The following SRBD1 variants were observed in gnomAD, a reference collection of about 807,000 sequenced individuals.
SRBD1 encodes the protein S1 RNA-binding domain-containing protein 1.
Under a neutral mutation model 115.3 loss-of-function variants are expected in SRBD1, and 88 were observed. The observed-to-expected ratio is 0.76, with a 90% CI of 0.64 to 0.91. SRBD1 has a LOEUF of 0.91. Ranked by LOEUF, SRBD1 falls within the 40% of genes least tolerant of loss-of-function variation. The pLI is 0.00. For synonymous variants in SRBD1, 509 were observed against 407.7 expected, an observed-to-expected ratio of 1.25 and a Z score of -2.99; for missense variants, 1,385 against 1,177.4, an observed-to-expected ratio of 1.18 and a Z score of -2.58.
chr2:45,413,231 T>G lies in SRBD1; in HGVS notation c.2396A>C (p.Glu799Ala). 6.2e-7 allele frequency: 1 copy of G among 1,614,122 alleles called. No individual in the cohort carries two copies. Residue 799 changes from glutamate (E) to alanine (A), a missense_variant, in exon 19 of 21, where the codon GAG becomes GCG. By Grantham distance (107) the Glu-to-Ala change is moderately radical. Transcript: ENST00000263736. ...TTTGCCCTGCTTCTCATTTGTGACC[T>G]CAACGTCTGCTGAAGATGTCACAGC... Reference protein sequence around the residue: ...GVAVTSSADVEVTNEKQGKKK... With the variant: ...GVAVTSSADVAVTNEKQGKKK...
intron 10 of SRBD1, among the ~76,000 whole-genome samples, chr2:45,559,230 T>G (rs1222187591): frequency 1.3e-5 from 2 of 152,180 alleles, no homozygotes; most frequent in Non-Finnish European, 2.9e-5. Flanking sequence ...TAAAATGCAA[T>G]CTGATCATCA....
intron 4 of SRBD1, among the ~76,000 whole-genome samples, chr2:45,596,012 A>T (rs1334118501): frequency 6.6e-6 from 1 of 152,156 alleles, no homozygotes; most frequent in African/African-American, 2.4e-5. Flanking sequence ...AGGAAAAAAA[A>T]ATTGCTTGGA....
intron 14 of SRBD1, among the ~76,000 whole-genome samples, chr2:45,517,252 G>A (rs1369463881): frequency 6.6e-6 from 1 of 152,082 alleles, no homozygotes; most frequent in Non-Finnish European, 1.5e-5. Flanking sequence ...TCTTTTAAAT[G>A]GTTAGCTCTG....
At chr2:45,401,575 A>G (rs1261141299) in intron 19 of SRBD1, among the ~76,000 whole-genome samples, 1 of 152,196 alleles carries the variant, frequency 6.6e-6, no homozygotes, top group Non-Finnish European at 1.5e-5. Context: ...TGTTTACCTA[A>G]TCATCATTTA....
At chr2:45,419,303 G>C (rs757205771) in intron 17 of SRBD1, among the ~76,000 whole-genome samples, 11 of 152,114 alleles carry the variant, frequency 7.2e-5, no homozygotes, top group Non-Finnish European at 1.5e-4. Context: ...TAAAACCATG[G>C]GGGAAAAGAA....
At chr2:45,607,236 AAG>A (rs1177821147) in intron 1 of SRBD1, among the ~76,000 whole-genome samples, 2 of 152,198 alleles carry the variant, frequency 1.3e-5, no homozygotes, top group Admixed American at 1.3e-4. Flanking sequence ...ACAACAAAAT[AAG>A]AATGGAGGAA....
intron 4 of SRBD1, 101 bp from the exon 5 acceptor site, chr2:45,585,875 T>C: frequency 1.1e-6 from 1 of 904,836 alleles, no homozygotes; most frequent in Non-Finnish European, 1.6e-6. Context: ...TCCAGTGACT[T>C]AGAAACTACT....
intron 16 of SRBD1, 128 bp downstream of exon 16, chr2:45,476,865 C>A: frequency 1.3e-6 from 1 of 772,112 alleles, no homozygotes; most frequent in South Asian, 1.9e-5. Flanking sequence ...AAAACTCCTA[C>A]TTTCCACAAA....
chr2:45,567,811 T>C (rs1672880233), intron 9 of SRBD1: 1 of 152,084 alleles, frequency 6.6e-6, no homozygotes, highest in South Asian at 2.1e-4. Flanking sequence ...TTAAGTAGAG[T>C]ACAACAATAT....
rs188864486 is a variant in SRBD1, at chr2:45,451,131, A to G, written c.2049+25862T>C. 2.6e-5 allele frequency among the ~76,000 whole-genome samples: 4 copies of G among 152,228 alleles called. No homozygotes were observed. The East Asian group carries it at 7.7e-4, about 29-fold the overall frequency. ...ATGACTGATTCAAGCTACAAATGAC[A>G]GAATTATTGGCAAATGGGAACTCAT... On this transcript the variant is annotated intron_variant, in intron 16 of 20. Transcript: ENST00000263736.
intron 1 of SRBD1, among the ~76,000 whole-genome samples, chr2:45,610,763 A>C (rs574008521): frequency 1.3e-5 from 2 of 152,240 alleles, no homozygotes; most frequent in South Asian, 4.1e-4. Flanking sequence ...TTAGGTATAA[A>C]AACAATCCAG....
At chr2:45,540,720 T>C (rs1671906880) in intron 14 of SRBD1, among the ~76,000 whole-genome samples, 1 of 152,144 alleles carries the variant, frequency 6.6e-6, no homozygotes, top group Non-Finnish European at 1.5e-5. Context: ...TTTGAACAGA[T>C]ACCTCACTAA....
intron 18 of SRBD1, among the ~76,000 whole-genome samples, chr2:45,414,607 T>C (rs753258859): frequency 5.9e-4 from 83 of 139,622 alleles, no homozygotes; most frequent in Non-Finnish European, 3.9e-4. Flanking sequence ...ATAGTGTGTA[T>C]AGTGTGTGTA....
At chr2:45,546,333 G>C in intron 14 of SRBD1, 1 of 985,458 alleles carries the variant, frequency 1.0e-6, no homozygotes, top group Admixed American at 6.1e-5. Context: ...TCTCAGTTCT[G>C]AAGGGTAATG....
At chr2:45,459,177 C>T (rs1479270596) in intron 16 of SRBD1, among the ~76,000 whole-genome samples, 2 of 152,136 alleles carry the variant, frequency 1.3e-5, no homozygotes, top group East Asian at 3.9e-4. Context: ...GAATCAGATA[C>T]ACAAGGATAA....
chr2:45,420,305 A>T (rs1186450869), intron 16 of SRBD1, among the ~76,000 whole-genome samples: 1 of 152,204 alleles, frequency 6.6e-6, no homozygotes, highest in Admixed American at 6.5e-5. Context: ...GATCACAATG[A>T]GACATAGTCT....
At chr2:45,554,476 A>G (rs1672409709) in intron 10 of SRBD1, among the ~76,000 whole-genome samples, 1 of 152,040 alleles carries the variant, frequency 6.6e-6, no homozygotes, top group African/African-American at 2.4e-5. Context: ...CAAAGCAGAA[A>G]CTCTGTTTCA....
chr2:45,525,950 A>C (rs1291086718), intron 14 of SRBD1, among the ~76,000 whole-genome samples: 1 of 152,072 alleles, frequency 6.6e-6, no homozygotes, highest in Non-Finnish European at 1.5e-5. Flanking sequence ...AAGATGGTTA[A>C]ACCCAAAAAG....
chr2:45,576,962 G>T (rs1673197661), intron 7 of SRBD1, among the ~76,000 whole-genome samples: 1 of 152,116 alleles, frequency 6.6e-6, no homozygotes, highest in Non-Finnish European at 1.5e-5. Context: ...GAGCGCTAGA[G>T]AAATGTTGTA....
Sources: allele counts gnomAD v4.1 joint callset (sites outside exome capture counted in the v4.1 genomes callset), GRCh38; gene constraint gnomAD v4.1.1; transcripts MANE v1.5; gene names NCBI Gene and HGNC (gene_info 2026-07-23, HGNC 2026-07-21).